U2SURP: variants seen among roughly 807,000 people sequenced by gnomAD.
U2SURP encodes the protein U2 snRNP-associated SURP motif-containing protein.
In U2SURP, 9 loss-of-function variants were observed where a neutral mutation model predicts 144.9. The observed-to-expected ratio is 0.06, with a 90% CI of 0.04 to 0.11. The LOEUF is 0.11. U2SURP is among the 10% of genes least tolerant of loss of function. U2SURP has a pLI of 1.00. For missense variants in U2SURP, 724 were observed against 1,226.7 expected (o/e 0.59, Z 6.12); for synonymous variants, 408 against 396.8 (o/e 1.03, Z -0.33).
chr3:143,052,474 G>A (rs1202619559), intron 25 of U2SURP, among the ~76,000 whole-genome samples: 1 of 152,218 alleles, frequency 6.6e-6, no homozygotes, highest in Non-Finnish European at 1.5e-5. Context: ...TCTGATGGTA[G>A]CAAGCACAAA....
chr3:143,021,347 A>C lies in U2SURP; in HGVS notation c.734-3A>C, dbSNP rs898826080. ...ATAATTGTCTTCTTTTCTCCCCTTT[A>C]AGTGGACGCGCCTTCAAGAAGAAAT... On this transcript the variant is annotated splice_polypyrimidine_tract_variant and splice_region_variant and intron_variant, in intron 8 of 27. Transcript: ENST00000473835. 3.4e-5 allele frequency: 54 copies of C among 1,592,484 alleles called. 2 individuals carry two copies. The Admixed American group carries it at 7.6e-4, about 22-fold the overall frequency.
intron 19 of U2SURP, 38 bp from the exon 20 acceptor site, chr3:143,035,944 C>G: frequency 2.6e-6 from 4 of 1,556,488 alleles, no homozygotes; most frequent in Non-Finnish European, 3.5e-6. Flanking sequence ...ACATATAGCC[C>G]AAAATAAAAG....
In U2SURP at chr3:143,001,605, G is replaced by A. The variant is rs1935525127; in HGVS notation, c.-24G>A. On this transcript the variant is annotated 5_prime_UTR_variant, in exon 1 of 28. Coordinates refer to ENST00000473835, the MANE Select transcript of U2SURP (RefSeq NM_001080415.2). The stretch of plus-strand genomic sequence containing the variant: ...TCGACTCGCCCGTGCTGCTGCCGCC[G>A]CCGAAGGAGGGGCAAAGCTCAAGAT... 2.5e-6 allele frequency: 4 copies of A among 1,613,662 alleles called. No homozygotes were observed. The highest frequency in any genetic ancestry group is 2.7e-5 in the African/African-American group (2 of 75,038).
intron 19 of U2SURP, among the ~76,000 whole-genome samples, chr3:143,035,416 C>T (rs1275031480): frequency 6.6e-6 from 1 of 152,130 alleles, no homozygotes; most frequent in African/African-American, 2.4e-5. Flanking sequence ...AATATGCTTT[C>T]ATGGGAAGAA....
At chr3:143,022,471 TAAA>T (rs779058443) in intron 10 of U2SURP, 23 bp from the exon 11 acceptor site, 1 of 1,450,010 alleles carries the variant, frequency 6.9e-7, no homozygotes, top group African/African-American at 1.4e-5. Flanking sequence ...TTTTGCATAA[TAAA>T]AATCTTTTAC....
intron 18 of U2SURP, 61 bp downstream of exon 18, chr3:143,033,411 A>G (rs1933616338): frequency 5.5e-6 from 5 of 909,186 alleles, no homozygotes; most frequent in Middle Eastern, 2.8e-4. Flanking sequence ...AGGAGTTCAG[A>G]AAAGAGGATT....
chr3:143,038,239 G>T (rs1933915623), intron 22 of U2SURP, 36 bp downstream of exon 22: 1 of 1,427,316 alleles, frequency 7.0e-7, no homozygotes, highest in African/African-American at 1.5e-5. Context: ...TTTAAATTAA[G>T]TACTTGTACG....
intron 24 of U2SURP, among the ~76,000 whole-genome samples, chr3:143,043,978 C>T (rs1934261503): frequency 6.6e-6 from 1 of 151,942 alleles, no homozygotes; most frequent in Non-Finnish European, 1.5e-5. Flanking sequence ...TGGTCTTGAT[C>T]TCCTGACCTC....
intron 1 of U2SURP, among the ~76,000 whole-genome samples, chr3:143,008,412 C>G (rs1229078594): frequency 2.0e-5 from 3 of 152,196 alleles, no homozygotes; most frequent in African/African-American, 7.2e-5. Context: ...CTTTTGGATG[C>G]TTATTCTTTC....
At chr3:143,042,400 T>C (rs1273419655) in intron 23 of U2SURP, among the ~76,000 whole-genome samples, 2 of 152,160 alleles carry the variant, frequency 1.3e-5, no homozygotes, top group Non-Finnish European at 2.9e-5. Flanking sequence ...GATTATAGGC[T>C]CTGCTGAAGT....
At chr3:143,019,163 ATT>A (rs1198344722) in intron 6 of U2SURP, among the ~76,000 whole-genome samples, 1 of 151,946 alleles carries the variant, frequency 6.6e-6, no homozygotes. Context: ...TCGTAAGAGT[ATT>A]TTACATCTTC....
At chr3:143,036,964 A>AAGGT in intron 20 of U2SURP, 1 of 513,482 alleles carries the variant, frequency 1.9e-6, no homozygotes, top group Admixed American at 3.4e-5. Context: ...ATTGCCTCAC[A>AAGGT]AGGTACCTGG....
In U2SURP at chr3:143,010,840, C is replaced by T. The variant is rs186856142; in HGVS notation, c.71C>T (p.Ser24Phe). 2 of 1,607,532 alleles carry T rather than the reference C, an allele frequency of 1.2e-6. No individual in the cohort carries two copies. The highest frequency in any genetic ancestry group is 2.7e-5 in the African/African-American group (2 of 74,894). Reference sequence around the variant, plus strand: ...ACGAGATCATCAGATGTTCATTCATCTGGATCTTCAGATGCACATGTGAGT... The same window carrying T: ...ACGAGATCATCAGATGTTCATTCATTTGGATCTTCAGATGCACATGTGAGT... The part of the protein sequence containing the change: ...SKTRSSDVHS[S>F]GSSDAHMDAS... The change falls in exon 2 of 28, where the codon TCT becomes TTT. Residue 24 changes from serine (S) to phenylalanine (F), a missense_variant. Ser to Phe is a radical substitution (Grantham distance 155, BLOSUM62 -2). Around this residue, in one of 13 missense-constraint regions of U2SURP, gnomAD observed 127 missense variants for 98.2 expected, o/e 1.29. Coordinates refer to ENST00000473835, the MANE Select transcript of U2SURP (RefSeq NM_001080415.2).
chr3:143,002,325 G>A (rs1162739366), intron 1 of U2SURP: 3 of 152,330 alleles, frequency 2.0e-5, no homozygotes, highest in African/African-American at 7.2e-5. Flanking sequence ...CTTTCTTTAT[G>A]TTGAAGAAAC....
rs1444308045 is a variant in U2SURP at position 143,047,639 on chromosome 3, CG to C, written c.2545-3299del. Among the ~76,000 whole-genome samples the C allele has an allele frequency of 4.8e-4, 22 of 46,226 alleles. 4 individuals carry two copies. Among genetic ancestry groups the C allele is most frequent in the African/African-American group, 2.5e-3 (22 of 8,892 alleles). The allele number at this position is 46,226 out of a possible 152,430, so 30.3% of individuals were successfully genotyped here. On this transcript the variant is annotated intron_variant, in intron 24 of 27. Coordinates refer to ENST00000473835, the MANE Select transcript of U2SURP (RefSeq NM_001080415.2). The stretch of plus-strand genomic sequence containing the variant: ...CGGGCAGGGGGCTGACCCCCCCTCC[CG>C]CCTCCCGGACGGGGCGGCTGGCCGG...
chr3:143,001,584 C>T lies in U2SURP; in HGVS notation c.-45C>T. On this transcript the variant is annotated 5_prime_UTR_variant, in exon 1 of 28. Transcript: ENST00000473835. The stretch of plus-strand genomic sequence containing the variant: ...TGAGATCCGCTCTTTCGGTGCTCGA[C>T]TCGCCCGTGCTGCTGCCGCCGCCGA... 2 of 1,610,610 alleles carry T rather than the reference C, an allele frequency of 1.2e-6. No homozygotes were observed. Among genetic ancestry groups the T allele is most frequent in the South Asian group, 2.2e-5 (2 of 90,388 alleles).
Position 143,022,838 on chromosome 3 carries a change from A to G in U2SURP, c.1019-15A>G. On this transcript the variant is annotated splice_polypyrimidine_tract_variant and intron_variant, in intron 11 of 27. Coordinates refer to ENST00000473835, the MANE Select transcript of U2SURP (RefSeq NM_001080415.2). Reference sequence around the variant, plus strand: ...TTGAGAGTTAACAAAATGACCTTTCATTTCTTTCTTGTAGGAAAAATGATT... The same window carrying G: ...TTGAGAGTTAACAAAATGACCTTTCGTTTCTTTCTTGTAGGAAAAATGATT... 1 of 1,533,844 alleles carries G rather than the reference A, an allele frequency of 6.5e-7. No homozygotes were observed. The highest frequency in any genetic ancestry group is 2.3e-5 in the Admixed American group (1 of 43,836).
At chr3:143,043,699 C>G (rs1002208940) in intron 24 of U2SURP, among the ~76,000 whole-genome samples, 1 of 135,444 alleles carries the variant, frequency 7.4e-6, no homozygotes, top group Non-Finnish European at 1.5e-5. Context: ...GAAATGGATT[C>G]TAATGTATAG....
Position 143,059,780 on chromosome 3 carries a change from TGTGCAGATACTA to T in U2SURP, c.*3334_*3345del, listed in dbSNP as rs1340049088. The T allele has an allele frequency of 1.3e-5, 2 of 152,046 alleles. No homozygotes were observed. Among genetic ancestry groups the T allele is most frequent in the Admixed American group, 6.6e-5 (1 of 15,232 alleles). 9.4% of individuals were successfully genotyped at this position (152,046 alleles called of 1,614,324 possible). A position where few individuals can be genotyped will look rare whatever the true frequency, so the allele number is the denominator to read the frequency against. ...AGTGAAAAGCCTAATTACAGAAAAT[TGTGCAGATACTA>T]GTGAAGATACTAGTATAAGTTTAAA... On this transcript the variant is annotated 3_prime_UTR_variant, in exon 28 of 28. Transcript: ENST00000473835.
Sources: gnomAD v4.1 joint callset for allele counts (sites outside exome capture counted in the v4.1 genomes callset) on GRCh38, gnomAD v4.1.1 for gene constraint, gnomAD v4.1.1 regional missense constraint, MANE v1.5 for transcripts, NCBI Gene and HGNC (gene_info 2026-07-23, HGNC 2026-07-21) for gene names.